Variants in DAPK3 observed in about 807,000 individuals in gnomAD.
DAPK3 encodes death associated protein kinase 3.
A neutral mutation model predicts 30.6 loss-of-function variants in DAPK3; 24 were observed. That is an observed-to-expected ratio of 0.78 (90% CI 0.57 to 1.10). DAPK3 has a LOEUF of 1.10. Ranked by LOEUF, DAPK3 falls within the 50% of genes least tolerant of loss-of-function variation. The pLI is 0.00. For synonymous variants in DAPK3, 341 were observed against 284.0 expected, an observed-to-expected ratio of 1.20 and a Z score of -2.02; for missense variants, 629 against 657.3, an observed-to-expected ratio of 0.96 and a Z score of 0.47.
intron 2 of DAPK3, among the ~76,000 whole-genome samples, chr19:3,968,300 G>A (rs1320701266): frequency 6.6e-6 from 1 of 152,180 alleles, no homozygotes; most frequent in Non-Finnish European, 1.5e-5. Context: ...TTCGAGACCA[G>A]CCTGGCCAAC....
intron 6 of DAPK3, chr19:3,961,623 T>G (rs900867288): frequency 4.6e-6 from 2 of 432,336 alleles, no homozygotes; most frequent in Non-Finnish European, 9.7e-6. Context: ...GCAGAGACAC[T>G]GAAGCCCCGT....
In DAPK3 at chr19:3,959,047, C is replaced by T. The variant is rs2039471072; in HGVS notation, c.*54G>A. On this transcript the variant is annotated 3_prime_UTR_variant, in exon 9 of 9. Transcript: ENST00000545797. ...GAGGCGCAGCGTCCACAGGAAGCGCCCCCACCGCAGGCCGAGCTCCGGCTG... is the reference window on the plus strand; with the variant it reads ...GAGGCGCAGCGTCCACAGGAAGCGCTCCCACCGCAGGCCGAGCTCCGGCTG... The T allele has an allele frequency of 1.7e-6, 2 of 1,201,552 alleles. No individual in the cohort carries two copies. Among genetic ancestry groups the T allele is most frequent in the Non-Finnish European group, 2.3e-6 (2 of 887,922 alleles). The allele number at this position is 1,201,552 out of a possible 1,614,324, so 74.4% of individuals were successfully genotyped here.
At position 3,959,270 on chromosome 19, in the gene DAPK3, GCCT is replaced by G; in HGVS notation, c.1193_1195del (p.Glu398del). ...GCTGGTCCCCAGCAGCGCGCCCTTG[GCCT>G]CCTCCTGCGCCTGCCGCTTGAGCGC... On this transcript the variant is annotated inframe_deletion, in exon 9 of 9. Coordinates refer to ENST00000545797, the MANE Select transcript of DAPK3 (RefSeq NM_001348.3). 6.3e-7 allele frequency: 1 copy of G among 1,598,150 alleles called. No homozygotes were observed. Among genetic ancestry groups the G allele is most frequent in the Non-Finnish European group, 8.5e-7 (1 of 1,178,398 alleles).
At chr19:3,966,084 G>A (rs1481509108) in intron 2 of DAPK3, among the ~76,000 whole-genome samples, 1 of 152,122 alleles carries the variant, frequency 6.6e-6, no homozygotes. Flanking sequence ...CATCTGGCCA[G>A]TATCCGCATT....
chr19:3,963,779 C>A (rs574346333), intron 5 of DAPK3, 92 bp downstream of exon 5: 746 of 1,240,292 alleles, frequency 6.0e-4, no homozygotes, highest in Middle Eastern at 1.3e-3. Context: ...CATACCCCAA[C>A]AGCAGCAAGG....
At chr19:3,964,149 C>T (rs1396289148) in intron 4 of DAPK3, 95 bp downstream of exon 4, 150 of 1,167,462 alleles carry the variant, frequency 1.3e-4, no homozygotes, top group Non-Finnish European at 1.7e-4. Flanking sequence ...GCCGAGGACG[C>T]GGCACCCAGC....
chr19:3,960,640 G>A (rs113035693), intron 7 of DAPK3, among the ~76,000 whole-genome samples: 9,165 of 151,872 alleles, frequency 0.06, 389 homozygotes, highest in South Asian at 0.12. Flanking sequence ...TTAGCCAGGC[G>A]TGGTGGCGGG....
At chr19:3,967,525 C>T (rs1428844693) in intron 2 of DAPK3, among the ~76,000 whole-genome samples, 4 of 152,172 alleles carry the variant, frequency 2.6e-5, no homozygotes, top group African/African-American at 4.8e-5. Flanking sequence ...GAGGCAGAGG[C>T]GGGCAGATCA....
chr19:3,964,705 TG>T lies in DAPK3; in HGVS notation c.348del (p.Thr117ProfsTer24). On this transcript the variant is annotated frameshift_variant, in exon 3 of 9. Transcript: ENST00000545797. LOFTEE classifies it high-confidence loss of function. ...AEKESLTEDEATQFLKQILDG... is the reference protein window; with the variant it reads ...AEKESLTEDEXTQFLKQILDG... ...TCCAGGATCTGCTTGAGGAACTGGG[TG>T]GCCTCGTCCTCCGTCAGCGACTCCT... is the stretch of plus-strand genomic sequence containing the variant. The T allele has an allele frequency of 6.2e-7, 1 of 1,611,656 alleles. No homozygotes were observed. The highest frequency in any genetic ancestry group is 8.5e-7 in the Non-Finnish European group (1 of 1,179,128).
At chr19:3,966,515 C>G (rs1342849834) in intron 2 of DAPK3, among the ~76,000 whole-genome samples, 1 of 152,190 alleles carries the variant, frequency 6.6e-6, no homozygotes, top group Middle Eastern at 3.2e-3. Context: ...GCGGCAGGGG[C>G]CACCACGTAG....
intron 8 of DAPK3, 95 bp downstream of exon 8, chr19:3,959,964 C>T (rs756741006): frequency 1.2e-6 from 1 of 813,098 alleles, no homozygotes; most frequent in Non-Finnish European, 2.2e-6. Context: ...TGGGGGTTGT[C>T]ACATCCACAA....
intron 6 of DAPK3, 142 bp downstream of exon 6, chr19:3,963,501 A>C: frequency 1.9e-6 from 1 of 536,658 alleles, no homozygotes; most frequent in East Asian, 3.2e-5. Flanking sequence ...AGAATCACTC[A>C]TCCGTTCACC....
chr19:3,959,760 G>A, intron 8 of DAPK3, 123 bp from the exon 9 acceptor site: 1 of 1,154,964 alleles, frequency 8.7e-7, no homozygotes, highest in Non-Finnish European at 1.2e-6. Context: ...CCTCGTGACG[G>A]AGACTGCCCA....
At position 3,958,713 on chromosome 19, in the gene DAPK3, A is replaced by G; in HGVS notation, c.*388T>C. ...TCCTGGGCTAATGGCAGCAACAGGC[A>G]GCACCCCGCCGAATTGTCCGTGCAA... is the stretch of plus-strand genomic sequence containing the variant. On this transcript the variant is annotated 3_prime_UTR_variant, in exon 9 of 9. Transcript: ENST00000545797. The G allele has an allele frequency of 5.8e-6, 2 of 346,828 alleles. No individual in the cohort carries two copies. The highest frequency in any genetic ancestry group is 4.2e-5 in the South Asian group (2 of 47,770). 21.5% of individuals were successfully genotyped at this position (346,828 alleles called of 1,614,324 possible).
intron 2 of DAPK3, 102 bp downstream of exon 2, chr19:3,969,572 A>C: frequency 1.3e-6 from 1 of 778,692 alleles, no homozygotes; most frequent in Non-Finnish European, 2.2e-6. Flanking sequence ...ATTCCTTCTC[A>C]GCATACAGGA....
rs752148205 is a variant in DAPK3 at position 3,969,845 on chromosome 19, A to G, written c.-94-16T>C. On this transcript the variant is annotated splice_polypyrimidine_tract_variant and intron_variant, in intron 1 of 8. Transcript: ENST00000545797. ...AATGGCAACCCTGGAGAAGACAGGG[A>G]AAGACAGAAGTGAGGAACTGAGACA... 2.0e-5 allele frequency: 15 copies of G among 744,554 alleles called. No homozygotes were observed. Among genetic ancestry groups the G allele is most frequent in the Admixed American group, 1.0e-4 (5 of 49,068 alleles). The allele number at this position is 744,554 out of a possible 1,614,324, so 46.1% of individuals were successfully genotyped here.
At chr19:3,967,528 G>A (rs2039590721) in intron 2 of DAPK3, among the ~76,000 whole-genome samples, 2 of 152,188 alleles carry the variant, frequency 1.3e-5, no homozygotes, top group South Asian at 4.1e-4. Flanking sequence ...GCAGAGGCGG[G>A]CAGATCATTT....
chr19:3,963,788 G>A (rs942188701), intron 5 of DAPK3, 83 bp downstream of exon 5: 86 of 1,235,416 alleles, frequency 7.0e-5, no homozygotes, highest in Non-Finnish European at 9.8e-5. Context: ...ACAGCAGCAA[G>A]GCCCCGCTTC....
intron 6 of DAPK3, among the ~76,000 whole-genome samples, chr19:3,963,308 A>G (rs548371766): frequency 6.6e-6 from 1 of 152,308 alleles, no homozygotes; most frequent in African/African-American, 2.4e-5. Context: ...CGTGTGGCCC[A>G]GGGACAGGAG....
Sources: allele counts gnomAD v4.1 joint callset (sites outside exome capture counted in the v4.1 genomes callset), GRCh38; gene constraint gnomAD v4.1.1; transcripts MANE v1.5; gene names NCBI Gene and HGNC (gene_info 2026-07-23, HGNC 2026-07-21).